Variants in RPGRIP1 observed in about 807,000 individuals in gnomAD.
The protein encoded by RPGRIP1 is RPGR interacting protein 1, also known as X-linked retinitis pigmentosa GTPase regulator-interacting protein 1.
A neutral mutation model predicts 157.9 loss-of-function variants in RPGRIP1; 128 were observed. That is an observed-to-expected ratio of 0.81 (90% CI 0.70 to 0.94). The LOEUF (loss-of-function observed/expected upper bound fraction) is 0.94. Ranked by LOEUF, RPGRIP1 falls within the 40% of genes least tolerant of loss-of-function variation. The probability of loss-of-function intolerance (pLI) is 0.00; values close to 1 mark genes in which losing one functional copy is unlikely to be tolerated. For synonymous variants in RPGRIP1, 554 were observed against 571.6 expected (o/e 0.97, Z 0.44); for missense variants, 1,486 against 1,545.8 (o/e 0.96, Z 0.65).
chr14:21,301,261 T>C, intron 4 of RPGRIP1, 24 bp downstream of exon 4: 1 of 1,567,222 alleles, frequency 6.4e-7, no homozygotes. Flanking sequence ...CTACATCCCC[T>C]ACAGGGCTAA....
chr14:21,335,496 T>G (rs1315997482), intron 21 of RPGRIP1, among the ~76,000 whole-genome samples: 2 of 152,090 alleles, frequency 1.3e-5, no homozygotes, highest in Non-Finnish European at 2.9e-5. Flanking sequence ...CTCAAAGCTC[T>G]TTCAGAACTG....
intron 22 of RPGRIP1, among the ~76,000 whole-genome samples, chr14:21,343,444 G>T (rs951089850): frequency 1.3e-5 from 2 of 152,036 alleles, no homozygotes; most frequent in Non-Finnish European, 2.9e-5. Context: ...AGATCACTTC[G>T]CCTGTTCCCA....
chr14:21,284,377 T>C (rs555981055), intron 1 of RPGRIP1, among the ~76,000 whole-genome samples: 117 of 151,976 alleles, frequency 7.7e-4, no homozygotes, highest in Non-Finnish European at 1.4e-3. Flanking sequence ...TTTATGGAAA[T>C]AGGGAAAGAC....
intron 23 of RPGRIP1, among the ~76,000 whole-genome samples, chr14:21,347,234 C>A (rs562033261): frequency 6.6e-6 from 1 of 152,256 alleles, no homozygotes; most frequent in South Asian, 2.1e-4. Context: ...GTTTTTATTC[C>A]AGACTCTTTG....
At chr14:21,342,855 TAAGTC>T (rs1885156376) in intron 21 of RPGRIP1, among the ~76,000 whole-genome samples, 176 bp from the exon 22 acceptor site, 1 of 152,144 alleles carries the variant, frequency 6.6e-6, no homozygotes, top group South Asian at 2.1e-4. Context: ...CTATGGCAAT[TAAGTC>T]AAGTTGTCTT....
At chr14:21,293,751 C>T (rs1387667468) in intron 2 of RPGRIP1, among the ~76,000 whole-genome samples, 6 of 152,032 alleles carry the variant, frequency 3.9e-5, no homozygotes, top group East Asian at 1.9e-4. Flanking sequence ...TGGTGGCTGG[C>T]GCCTATAGTC....
intron 1 of RPGRIP1, among the ~76,000 whole-genome samples, chr14:21,284,540 ATTTTTT>A (rs67923336): frequency 6.9e-5 from 9 of 130,462 alleles, no homozygotes; most frequent in African/African-American, 1.4e-4. Context: ...GGAGAACTAA[ATTTTTT>A]TTTTTTTTTT....
chr14:21,294,276 G>A lies in RPGRIP1; in HGVS notation c.86-401G>A, dbSNP rs369503223. On this transcript the variant is annotated intron_variant, in intron 2 of 24. Coordinates refer to ENST00000400017, the MANE Select transcript of RPGRIP1 (RefSeq NM_020366.4). ...GGCAGAGTCTTGCTCTGTCACCCAGGGTGGAGTACAGTGGCACGATCTCGG... is the reference window on the plus strand; with the variant it reads ...GGCAGAGTCTTGCTCTGTCACCCAGAGTGGAGTACAGTGGCACGATCTCGG... Among the ~76,000 whole-genome samples the A allele has an allele frequency of 7.9e-5, 12 of 151,532 alleles. No individual in the cohort carries two copies. In the East Asian group the frequency reaches 2.1e-3, roughly 27 times the overall value.
At chr14:21,331,698 T>TG (rs1883811786) in intron 20 of RPGRIP1, among the ~76,000 whole-genome samples, 1 of 152,118 alleles carries the variant, frequency 6.6e-6, no homozygotes, top group South Asian at 2.1e-4. Context: ...GGACACCCTT[T>TG]GGGCATCTGG....
chr14:21,335,002 C>G (rs8006453), intron 21 of RPGRIP1, among the ~76,000 whole-genome samples: 1 of 143,050 alleles, frequency 7.0e-6, no homozygotes, highest in Non-Finnish European at 1.5e-5. Context: ...GCCAAGATCA[C>G]GCCATTGCAC....
At position 21,288,169 on chromosome 14, in the gene RPGRIP1, C is replaced by T. The variant is rs868243198; in HGVS notation, c.85+108C>T. 1.5e-4 allele frequency: 101 copies of T among 687,444 alleles called. No homozygotes were observed. In the Middle Eastern group the frequency reaches 2.4e-3, roughly 16 times the overall value. The allele number at this position is 687,444 out of a possible 1,614,324, so 42.6% of individuals were successfully genotyped here. ...CTGATTTACTTTCAGCTCTTTTCTT[C>T]AGTCTTCTCACTTTTTTTTTTTTTT... is the stretch of plus-strand genomic sequence containing the variant. On this transcript the variant is annotated intron_variant, in intron 2 of 24. Coordinates refer to ENST00000400017, the MANE Select transcript of RPGRIP1 (RefSeq NM_020366.4).
chr14:21,334,129 C>T (rs1371303088), intron 20 of RPGRIP1, among the ~76,000 whole-genome samples: 1 of 151,944 alleles, frequency 6.6e-6, no homozygotes, highest in Non-Finnish European at 1.5e-5. Flanking sequence ...ACCATGTTGG[C>T]CAGGCTGGTC....
At chr14:21,337,155 G>GT (rs113957893) in intron 21 of RPGRIP1, among the ~76,000 whole-genome samples, 27,653 of 152,040 alleles carry the variant, frequency 0.18, 3,191 homozygotes, top group African/African-American at 0.32. Context: ...AGAGTGTAAT[G>GT]TTTAAGAGCA....
intron 6 of RPGRIP1, among the ~76,000 whole-genome samples, chr14:21,304,044 G>A (rs1442844325): frequency 6.6e-6 from 1 of 151,226 alleles, no homozygotes; most frequent in African/African-American, 2.4e-5. Flanking sequence ...TGGGCGCAGT[G>A]GCTCACGCCT....
chr14:21,306,512 G>A (rs1881313496), intron 6 of RPGRIP1, among the ~76,000 whole-genome samples: 1 of 151,486 alleles, frequency 6.6e-6, no homozygotes, highest in African/African-American at 2.4e-5. Context: ...AAGCTGGAGT[G>A]CAGTGGCGAG....
intron 10 of RPGRIP1, among the ~76,000 whole-genome samples, 185 bp downstream of exon 10, chr14:21,312,691 TC>T (rs1881589901): frequency 6.6e-6 from 1 of 150,434 alleles, no homozygotes; most frequent in Non-Finnish European, 1.5e-5. Flanking sequence ...GTGCATATCC[TC>T]TTTTTTTTTT....
intron 21 of RPGRIP1, among the ~76,000 whole-genome samples, chr14:21,336,195 A>G (rs909692267): frequency 2.0e-5 from 3 of 152,148 alleles, no homozygotes; most frequent in Non-Finnish European, 2.9e-5. Context: ...TGGAGTGAGG[A>G]GAAAAAACTC....
intron 23 of RPGRIP1, among the ~76,000 whole-genome samples, chr14:21,345,643 G>A (rs1402586985): frequency 6.6e-6 from 1 of 152,092 alleles, no homozygotes; most frequent in Non-Finnish European, 1.5e-5. Context: ...GCGCTCAAGC[G>A]ATCTGCCCTC....
Position 21,302,513 on chromosome 14 carries a change from A to G in RPGRIP1, c.516A>G (p.Thr172=). 1 of 1,583,596 alleles carries G rather than the reference A, an allele frequency of 6.3e-7. No homozygotes were observed. Among genetic ancestry groups the G allele is most frequent in the Non-Finnish European group, 8.6e-7 (1 of 1,162,360 alleles). The change falls in exon 5 of 25, where the codon ACA becomes ACG. Residue 172 remains threonine (T), a synonymous_variant. Transcript: ENST00000400017. The stretch of plus-strand genomic sequence containing the variant: ...GGCCAAGGGACAGGCTGAGCTACAC[A>G]GCCCCTCCATCGTTTAAGGAGCATG... ...KRGPRDRLSY[T]APPSFKEHAT... is the part of the protein sequence containing the mutation.
Sources: gnomAD v4.1 joint callset for allele counts (sites outside exome capture counted in the v4.1 genomes callset) on GRCh38, gnomAD v4.1.1 for gene constraint, MANE v1.5 for transcripts, NCBI Gene and HGNC (gene_info 2026-07-23, HGNC 2026-07-21) for gene names.